TES: variants seen among roughly 807,000 people sequenced by gnomAD.
TES encodes testin.
In TES, 41 loss-of-function variants were observed where a neutral mutation model predicts 48.2. The ratio of observed to expected loss-of-function variants is 0.85; its 90% CI spans 0.66 to 1.10. The LOEUF is 1.10. Ranked by LOEUF, TES falls within the 50% of genes least tolerant of loss-of-function variation. The pLI, the probability that TES is intolerant of heterozygous loss-of-function variation, is 0.00. For missense variants in TES, 463 were observed against 515.1 expected (o/e 0.90, Z 0.98); for synonymous variants, 162 against 174.9 (o/e 0.93, Z 0.58).
At chr7:116,251,575 C>G (rs1023130384) in intron 4 of TES, 185 bp from the exon 5 acceptor site, 1 of 582,184 alleles carries the variant, frequency 1.7e-6, no homozygotes, top group Non-Finnish European at 3.1e-6. Flanking sequence ...CCCAGCTACT[C>G]GGGAGGCTGA....
At chr7:116,211,348 G>A (rs1799436557) in intron 1 of TES, 1 of 152,190 alleles carries the variant, frequency 6.6e-6, no homozygotes, top group African/African-American at 2.4e-5. Context: ...GGAATTATCT[G>A]TCAAAGAGCG....
At chr7:116,233,357 A>C (rs1799725209) in intron 1 of TES, among the ~76,000 whole-genome samples, 1 of 152,156 alleles carries the variant, frequency 6.6e-6, no homozygotes, top group Admixed American at 6.5e-5. Context: ...ATGTCTCAGC[A>C]AGTTCTCAAA....
chr7:116,254,018 G>A (rs922767872), intron 6 of TES, among the ~76,000 whole-genome samples: 13 of 151,996 alleles, frequency 8.6e-5, no homozygotes, highest in African/African-American at 2.2e-4. Context: ...AATATTTCTC[G>A]CTTTGGGGTT....
chr7:116,228,165 G>C (rs1255541483), intron 1 of TES, among the ~76,000 whole-genome samples: 1 of 151,940 alleles, frequency 6.6e-6, no homozygotes, highest in East Asian at 1.9e-4. Context: ...AATAAGCAGG[G>C]GATAAAAGGG....
At position 116,250,558 on chromosome 7, in the gene TES, C is replaced by T. The variant is rs1342361278; in HGVS notation, c.702+62C>T. 14 of 1,325,968 alleles carry T rather than the reference C, an allele frequency of 1.1e-5. No individual in the cohort carries two copies. The East Asian group carries it at 3.7e-4, about 35-fold the overall frequency. 82.1% of individuals were successfully genotyped at this position (1,325,968 alleles called of 1,614,324 possible). On this transcript the variant is annotated intron_variant, in intron 4 of 6. Coordinates refer to ENST00000358204, the MANE Select transcript of TES (RefSeq NM_015641.4). ...TACTTTACAGAATTTTTTTCCCTTA[C>T]TTTGAACTTTTTTGGGGACTATTCC...
intron 1 of TES, among the ~76,000 whole-genome samples, chr7:116,231,996 C>G (rs974773412): frequency 1.3e-5 from 2 of 152,084 alleles, no homozygotes; most frequent in African/African-American, 2.4e-5. Context: ...ACAACTTGCC[C>G]CTTTGCAAAG....
chr7:116,220,389 T>C (rs1799542511), intron 1 of TES, among the ~76,000 whole-genome samples: 1 of 152,154 alleles, frequency 6.6e-6, no homozygotes, highest in Non-Finnish European at 1.5e-5. Flanking sequence ...CACTTTTCTC[T>C]AACAGTTAGG....
chr7:116,253,843 T>G (rs73452247), intron 6 of TES, among the ~76,000 whole-genome samples: 1 of 151,728 alleles, frequency 6.6e-6, no homozygotes. Context: ...CCCAATGGTG[T>G]GTGTGTGGGT....
chr7:116,244,379 T>G (rs1799893074), intron 2 of TES, among the ~76,000 whole-genome samples: 1 of 152,190 alleles, frequency 6.6e-6, no homozygotes, highest in African/African-American at 2.4e-5. Context: ...TGGGAGAAAT[T>G]GGCCAAAAGA....
intron 1 of TES, chr7:116,211,480 A>G (rs903892365): frequency 5.3e-5 from 8 of 152,038 alleles, no homozygotes; most frequent in Non-Finnish European, 7.3e-5. Flanking sequence ...TACCTGAGCC[A>G]CTCCCGGGTT....
intron 1 of TES, among the ~76,000 whole-genome samples, chr7:116,223,339 A>C (rs995293989): frequency 6.6e-6 from 1 of 152,198 alleles, no homozygotes; most frequent in African/African-American, 2.4e-5. Flanking sequence ...ACATGGAGGT[A>C]CTGAAATTTA....
At chr7:116,250,027 A>G (rs898003608) in intron 3 of TES, 134 bp from the exon 4 acceptor site, 8 of 578,576 alleles carry the variant, frequency 1.4e-5, no homozygotes, top group Admixed American at 4.1e-5. Flanking sequence ...ACTTCTTAAT[A>G]TACTGTGAGG....
intron 1 of TES, among the ~76,000 whole-genome samples, chr7:116,232,362 A>C (rs1799711063): frequency 2.0e-5 from 3 of 152,206 alleles, no homozygotes; most frequent in Admixed American, 2.0e-4. Flanking sequence ...GAATTATATA[A>C]AAGAGAGTTT....
At chr7:116,246,476 T>C (rs1264493938) in intron 2 of TES, among the ~76,000 whole-genome samples, 4 of 152,242 alleles carry the variant, frequency 2.6e-5, no homozygotes, top group Non-Finnish European at 5.9e-5. Flanking sequence ...TCCTGATTGC[T>C]CTTATGATGA....
intron 1 of TES, among the ~76,000 whole-genome samples, chr7:116,231,858 C>T (rs1280016398): frequency 6.6e-6 from 1 of 151,506 alleles, no homozygotes; most frequent in Admixed American, 6.6e-5. Flanking sequence ...CATTTCCTAT[C>T]ATGGCCTGAA....
chr7:116,254,756 A>ATGTGTGTGTGTGTG (rs528007110), intron 6 of TES, among the ~76,000 whole-genome samples: 2 of 143,174 alleles, frequency 1.4e-5, no homozygotes, highest in African/African-American at 2.6e-5. Context: ...AAATATATAT[A>ATGTGTGTGTGTGTG]TATGTGTGTG....
intron 1 of TES, among the ~76,000 whole-genome samples, chr7:116,225,287 T>G (rs1184157584): frequency 6.6e-6 from 1 of 152,070 alleles, no homozygotes; most frequent in Non-Finnish European, 1.5e-5. Context: ...GAGGTATAGA[T>G]GTTTTGAGTA....
intron 1 of TES, among the ~76,000 whole-genome samples, chr7:116,229,643 T>G (rs995306221): frequency 2.0e-5 from 3 of 152,286 alleles, no homozygotes; most frequent in African/African-American, 7.2e-5. Flanking sequence ...GTCCATATGC[T>G]TCCCTTCATC....
chr7:116,213,032 G>C (rs1799456890), intron 1 of TES, among the ~76,000 whole-genome samples: 1 of 152,144 alleles, frequency 6.6e-6, no homozygotes, highest in African/African-American at 2.4e-5. Flanking sequence ...CAATTTGTGA[G>C]TCCCTTAATA....
Sources: gnomAD v4.1 joint callset for allele counts (sites outside exome capture counted in the v4.1 genomes callset) on GRCh38, gnomAD v4.1.1 for gene constraint, MANE v1.5 for transcripts, NCBI Gene and HGNC (gene_info 2026-07-23, HGNC 2026-07-21) for gene names.